SBF2: variants seen among roughly 807,000 people sequenced by gnomAD.
The protein encoded by SBF2 is SET binding factor 2, also known as myotubularin-related protein 13.
A neutral mutation model predicts 225.2 loss-of-function variants in SBF2; 112 were observed. The observed-to-expected ratio is 0.50, with a 90% CI of 0.43 to 0.58. The LOEUF is 0.58. Ranked by LOEUF, SBF2 falls within the 20% of genes least tolerant of loss-of-function variation. SBF2 has a pLI of 0.00. For missense variants in SBF2, 1,996 were observed against 2,206.2 expected (o/e 0.90, Z 1.91); for synonymous variants, 763 against 773.3 (o/e 0.99, Z 0.22).
chr11:10,137,799 G>A (rs984729271), intron 2 of SBF2, among the ~76,000 whole-genome samples: 3 of 152,114 alleles, frequency 2.0e-5, no homozygotes, highest in African/African-American at 7.2e-5. Flanking sequence ...CTGTGGTCCA[G>A]AGTTCAAGAC....
chr11:9,979,378 G>GA (rs769422807), intron 13 of SBF2, among the ~76,000 whole-genome samples: 1 of 152,118 alleles, frequency 6.6e-6, no homozygotes. Flanking sequence ...GTTTATACAT[G>GA]AACTCAATAT....
chr11:9,976,764 G>T (rs1420376203), intron 13 of SBF2, among the ~76,000 whole-genome samples: 3 of 150,838 alleles, frequency 2.0e-5, no homozygotes, highest in African/African-American at 7.3e-5. Context: ...TTTTTTTGTT[G>T]TTGTTGTTTT....
At chr11:10,211,153 CCAGT>C (rs1957934279) in intron 1 of SBF2, among the ~76,000 whole-genome samples, 1 of 151,822 alleles carries the variant, frequency 6.6e-6, no homozygotes, top group African/African-American at 2.4e-5. Context: ...TCACTGGTAT[CCAGT>C]ATTTAGAAAT....
At chr11:10,188,417 C>T (rs994587067) in intron 2 of SBF2, among the ~76,000 whole-genome samples, 1 of 152,146 alleles carries the variant, frequency 6.6e-6, no homozygotes, top group African/African-American at 2.4e-5. Flanking sequence ...TGTAGCTCTA[C>T]ATCTTCCTCA....
intron 2 of SBF2, among the ~76,000 whole-genome samples, chr11:10,125,052 G>A (rs957496218): frequency 6.8e-6 from 1 of 147,874 alleles, no homozygotes; most frequent in Non-Finnish European, 1.5e-5. Flanking sequence ...AGGTTGCAGT[G>A]AGCCGAGATC....
At chr11:10,202,498 A>C (rs2135357465) in intron 1 of SBF2, among the ~76,000 whole-genome samples, 1 of 152,208 alleles carries the variant, frequency 6.6e-6, no homozygotes, top group East Asian at 1.9e-4. Flanking sequence ...AAAATAGTCC[A>C]AAACTGGCCG....
In SBF2 at chr11:10,034,746, T is replaced by C. The variant is rs1949374210; in HGVS notation, c.280-3576A>G. ...TTTCTGAAATGTAATATATAGCAAG[T>C]ATACCATTATATAGAATTGTCTCAG... On this transcript the variant is annotated intron_variant, in intron 3 of 39. Coordinates refer to ENST00000256190, the MANE Select transcript of SBF2 (RefSeq NM_030962.4). 2.6e-5 allele frequency among the ~76,000 whole-genome samples: 4 copies of C among 152,196 alleles called. No homozygotes were observed. In the South Asian group the frequency reaches 6.2e-4, roughly 24 times the overall value.
At chr11:9,790,747 T>G in intron 33 of SBF2, 64 bp from the exon 34 acceptor site, 1 of 1,256,828 alleles carries the variant, frequency 8.0e-7, no homozygotes, top group Non-Finnish European at 1.2e-6. Context: ...AAAAAACGTA[T>G]GATGCATGCA....
At chr11:10,190,590 T>G (rs1253323221) in intron 2 of SBF2, among the ~76,000 whole-genome samples, 11 of 152,232 alleles carry the variant, frequency 7.2e-5, no homozygotes, top group Admixed American at 7.2e-4. Flanking sequence ...AGTGAATGAA[T>G]GCCTAAAATC....
chr11:10,172,966 C>A (rs1175928446), intron 2 of SBF2, among the ~76,000 whole-genome samples: 5 of 152,208 alleles, frequency 3.3e-5, no homozygotes, highest in African/African-American at 1.2e-4. Flanking sequence ...GCGTGCCTGG[C>A]CTTAATTTCC....
chr11:10,093,178 A>T (rs12421931), intron 2 of SBF2, among the ~76,000 whole-genome samples: 1 of 151,660 alleles, frequency 6.6e-6, no homozygotes, highest in Non-Finnish European at 1.5e-5. Context: ...CACCATGCCT[A>T]GCTAATTTTT....
chr11:9,782,770 C>G (rs4472928), intron 38 of SBF2, among the ~76,000 whole-genome samples: 1 of 151,438 alleles, frequency 6.6e-6, no homozygotes, highest in Non-Finnish European at 1.5e-5. Context: ...ACTCGGGAGG[C>G]TGAGCCAGAG....
intron 6 of SBF2, among the ~76,000 whole-genome samples, chr11:10,008,877 A>C (rs1349558583): frequency 6.6e-6 from 1 of 152,244 alleles, no homozygotes; most frequent in Admixed American, 6.5e-5. Flanking sequence ...ACACTGGAGC[A>C]GCCTTCTCAA....
At chr11:9,800,620 G>A (rs746980025) in intron 32 of SBF2, among the ~76,000 whole-genome samples, 1 of 152,102 alleles carries the variant, frequency 6.6e-6, no homozygotes, top group Non-Finnish European at 1.5e-5. Flanking sequence ...TGTTAGCCAG[G>A]ATGGTCTCTA....
intron 2 of SBF2, among the ~76,000 whole-genome samples, chr11:10,056,110 T>C (rs1043656550): frequency 6.6e-6 from 1 of 152,230 alleles, no homozygotes; most frequent in African/African-American, 2.4e-5. Flanking sequence ...AGAAAAGTTT[T>C]TGTACCAATG....
chr11:10,252,345 A>G (rs1471939576), intron 1 of SBF2, among the ~76,000 whole-genome samples: 1 of 152,270 alleles, frequency 6.6e-6, no homozygotes, highest in African/African-American at 2.4e-5. Context: ...CTGTACTTCT[A>G]TATTTGAGTC....
intron 1 of SBF2, among the ~76,000 whole-genome samples, chr11:10,268,256 T>A (rs966269946): frequency 6.6e-6 from 1 of 152,190 alleles, no homozygotes; most frequent in Non-Finnish European, 1.5e-5. Flanking sequence ...ATACAGATTT[T>A]TTTTTCCACT....
chr11:10,042,932 G>T lies in SBF2; in HGVS notation c.191C>A (p.Thr64Lys). Residue 64 changes from threonine to lysine, a missense_variant, in exon 3 of 40, where the codon ACG becomes AAG. Thr to Lys is a moderately conservative substitution (Grantham distance 78, BLOSUM62 -1). Transcript: ENST00000256190. ...GTCTGTCAGGACAACCACAAAGAACGTTGGCTGCTTCCTCTCTCTGGACAG... is the reference window on the plus strand; with the variant it reads ...GTCTGTCAGGACAACCACAAAGAACTTTGGCTGCTTCCTCTCTCTGGACAG... ...WQLSRERKQP[T>K]FFVVVLTDID... 6.2e-7 allele frequency: 1 copy of T among 1,613,904 alleles called. No homozygotes were observed. Among genetic ancestry groups the T allele is most frequent in the Non-Finnish European group, 8.5e-7 (1 of 1,179,862 alleles).
chr11:10,082,364 C>T (rs1055381514), intron 2 of SBF2, among the ~76,000 whole-genome samples: 3 of 152,112 alleles, frequency 2.0e-5, no homozygotes, highest in Admixed American at 6.5e-5. Flanking sequence ...GGAAACTTCC[C>T]TAACTCATTC....
Sources: allele counts gnomAD v4.1 joint callset (sites outside exome capture counted in the v4.1 genomes callset), GRCh38; gene constraint gnomAD v4.1.1; transcripts MANE v1.5; gene names NCBI Gene and HGNC (gene_info 2026-07-23, HGNC 2026-07-21).